Variants in DDX4 observed in about 807,000 individuals in gnomAD.
The protein encoded by DDX4 is DEAD-box helicase 4.
A neutral mutation model predicts 100.0 loss-of-function variants in DDX4; 25 were observed. That is an observed-to-expected ratio of 0.25 (90% CI 0.18 to 0.35). The LOEUF is 0.35. DDX4 is among the 10% of genes least tolerant of loss of function. The probability of loss-of-function intolerance (pLI) is 1.00; values close to 1 mark genes in which losing one functional copy is unlikely to be tolerated. For missense variants in DDX4, 635 were observed against 882.4 expected, an observed-to-expected ratio of 0.72 and a Z score of 3.55; for synonymous variants, 259 against 275.7, an observed-to-expected ratio of 0.94 and a Z score of 0.60.
chr5:55,741,741 T>A (rs1262691490), intron 2 of DDX4, among the ~76,000 whole-genome samples: 1 of 151,386 alleles, frequency 6.6e-6, no homozygotes, highest in Non-Finnish European at 1.5e-5. Context: ...GTGAGCCAAG[T>A]CCGGGCAGCT....
At chr5:55,741,519 G>A (rs1758979819) in intron 2 of DDX4, among the ~76,000 whole-genome samples, 1 of 152,168 alleles carries the variant, frequency 6.6e-6, no homozygotes, top group Admixed American at 6.5e-5. Flanking sequence ...CAGGTGCGGT[G>A]GTTCATGCCT....
At chr5:55,755,559 G>T (rs537282570) in intron 3 of DDX4, among the ~76,000 whole-genome samples, 76 of 152,192 alleles carry the variant, frequency 5.0e-4, no homozygotes, top group Non-Finnish European at 9.1e-4. Context: ...ATTAATGTAA[G>T]ATTGGCGTAT....
chr5:55,779,567 G>A (rs1741784931), intron 7 of DDX4, among the ~76,000 whole-genome samples: 1 of 152,170 alleles, frequency 6.6e-6, no homozygotes, highest in South Asian at 2.1e-4. Flanking sequence ...GTGCCTGCAT[G>A]TCTGTGCTTT....
At chr5:55,804,808 T>C (rs953925822) in intron 18 of DDX4, among the ~76,000 whole-genome samples, 9 of 152,188 alleles carry the variant, frequency 5.9e-5, no homozygotes, top group African/African-American at 9.7e-5. Flanking sequence ...CGATGCGGGC[T>C]CTTTTTTGGT....
In DDX4 at chr5:55,792,631, A is replaced by G; in HGVS notation, c.1303-10A>G. ...CATTTTCTGTTTTACCTTTGAAAAT[A>G]TCCTTAAAGATTGGTCTCAAACAGA... On this transcript the variant is annotated splice_polypyrimidine_tract_variant and intron_variant, in intron 16 of 21. Transcript: ENST00000505374. The G allele has an allele frequency of 6.8e-7, 1 of 1,475,850 alleles. No individual in the cohort carries two copies. The highest frequency in any genetic ancestry group is 1.3e-5 in the South Asian group (1 of 74,786). 91.4% of individuals were successfully genotyped at this position (1,475,850 alleles called of 1,614,324 possible).
At chr5:55,793,363 A>T (rs1742715106) in intron 17 of DDX4, among the ~76,000 whole-genome samples, 1 of 118,938 alleles carries the variant, frequency 8.4e-6, no homozygotes, top group Admixed American at 9.1e-5. Flanking sequence ...AGAAGCTTAT[A>T]CAGATGGGTC....
At chr5:55,792,838 T>G in intron 17 of DDX4, 31 bp downstream of exon 17, 1 of 1,157,706 alleles carries the variant, frequency 8.6e-7, no homozygotes. Flanking sequence ...ATAATTTAAT[T>G]ATATATATAT....
At chr5:55,812,277 A>G (rs999090775) in intron 18 of DDX4, among the ~76,000 whole-genome samples, 7 of 152,110 alleles carry the variant, frequency 4.6e-5, no homozygotes, top group Admixed American at 2.0e-4. Context: ...ATACTTCCGT[A>G]GGGGCCGGGC....
intron 3 of DDX4, among the ~76,000 whole-genome samples, chr5:55,748,432 C>T (rs551581640): frequency 3.3e-5 from 5 of 151,772 alleles, no homozygotes; most frequent in Admixed American, 1.3e-4. Context: ...AGTATATTAA[C>T]GCATAACACT....
chr5:55,803,717 A>G (rs1743489905), intron 18 of DDX4, among the ~76,000 whole-genome samples: 1 of 152,020 alleles, frequency 6.6e-6, no homozygotes, highest in Non-Finnish European at 1.5e-5. Context: ...TTCTTAATCC[A>G]GTCTATCATT....
intron 2 of DDX4, among the ~76,000 whole-genome samples, chr5:55,740,309 G>C (rs1408312875): frequency 6.6e-6 from 1 of 151,788 alleles, no homozygotes; most frequent in Non-Finnish European, 1.5e-5. Context: ...CGAGACTACA[G>C]GCGCATGCCA....
chr5:55,766,727 G>A (rs1386237672), intron 6 of DDX4, among the ~76,000 whole-genome samples: 1 of 152,128 alleles, frequency 6.6e-6, no homozygotes, highest in African/African-American at 2.4e-5. Context: ...CCTGCAAGCT[G>A]TTTGGTCACT....
At chr5:55,805,132 A>G (rs374167889) in intron 18 of DDX4, among the ~76,000 whole-genome samples, 182 of 151,684 alleles carry the variant, frequency 1.2e-3, no homozygotes, top group African/African-American at 3.8e-3. Context: ...TTTGTCTGTT[A>G]TTGGTGTATA....
At chr5:55,815,250 A>G in intron 20 of DDX4, 63 bp from the exon 21 acceptor site, 1 of 1,595,030 alleles carries the variant, frequency 6.3e-7, no homozygotes, top group Non-Finnish European at 8.5e-7. Context: ...ATGTGTATAT[A>G]ACAAGTAAAC....
chr5:55,816,287 C>G (rs928134406), intron 21 of DDX4, among the ~76,000 whole-genome samples, 176 bp from the exon 22 acceptor site: 1 of 152,138 alleles, frequency 6.6e-6, no homozygotes, highest in African/African-American at 2.4e-5. Flanking sequence ...CCTCATTTGA[C>G]AGGAGCCTTT....
At chr5:55,758,639 T>G (rs1422751574) in intron 3 of DDX4, among the ~76,000 whole-genome samples, 1 of 152,030 alleles carries the variant, frequency 6.6e-6, no homozygotes, top group African/African-American at 2.4e-5. Flanking sequence ...TTTCATTTCT[T>G]TTAATTTACT....
intron 14 of DDX4, among the ~76,000 whole-genome samples, 187 bp downstream of exon 14, chr5:55,786,857 TC>T (rs1742278489): frequency 1.3e-5 from 2 of 152,236 alleles, no homozygotes; most frequent in African/African-American, 2.4e-5. Context: ...TCTGAACTAT[TC>T]CTGGGGTGGT....
At chr5:55,744,407 T>C (rs1759141959) in intron 2 of DDX4, among the ~76,000 whole-genome samples, 1 of 152,204 alleles carries the variant, frequency 6.6e-6, no homozygotes, top group Non-Finnish European at 1.5e-5. Flanking sequence ...TTCTGAACTT[T>C]TGCCATAATT....
At chr5:55,783,212 T>A (rs1742027804) in intron 10 of DDX4, among the ~76,000 whole-genome samples, 1 of 152,144 alleles carries the variant, frequency 6.6e-6, no homozygotes, top group Non-Finnish European at 1.5e-5. Context: ...TTATTATTAG[T>A]CTGAGAGAAT....
Sources: allele counts gnomAD v4.1 joint callset (sites outside exome capture counted in the v4.1 genomes callset), GRCh38; gene constraint gnomAD v4.1.1; transcripts MANE v1.5; gene names NCBI Gene and HGNC (gene_info 2026-07-23, HGNC 2026-07-21).